Variants in NIPBL observed in about 807,000 individuals in gnomAD.
NIPBL encodes nipped-B-like protein.
NIPBL carries 19 observed loss-of-function variants against 321.8 expected under a neutral mutation model. The ratio of observed to expected loss-of-function variants is 0.06; its 90% CI spans 0.04 to 0.09. The LOEUF is 0.09. NIPBL is among the 10% of genes least tolerant of loss of function. The pLI, the probability that NIPBL is intolerant of heterozygous loss-of-function variation, is 1.00. For missense variants in NIPBL, 2,210 were observed against 3,327.0 expected (o/e 0.66, Z 8.26); for synonymous variants, 1,106 against 1,114.1 (o/e 0.99, Z 0.14).
At chr5:37,056,482 A>G (rs1754103787) in intron 42 of NIPBL, among the ~76,000 whole-genome samples, 1 of 152,206 alleles carries the variant, frequency 6.6e-6, no homozygotes, top group African/African-American at 2.4e-5. Flanking sequence ...TTTTAAAGCA[A>G]GCAACTAAAT....
At chr5:37,053,166 T>C (rs913616876) in intron 42 of NIPBL, among the ~76,000 whole-genome samples, 3 of 152,174 alleles carry the variant, frequency 2.0e-5, no homozygotes, top group African/African-American at 4.8e-5. Context: ...GGTGAACATC[T>C]TACTTACACA....
At chr5:37,055,100 G>A (rs765039003) in intron 42 of NIPBL, among the ~76,000 whole-genome samples, 1 of 152,166 alleles carries the variant, frequency 6.6e-6, no homozygotes, top group Non-Finnish European at 1.5e-5. Flanking sequence ...TGTAACCCCA[G>A]CATTTGGGGA....
chr5:37,053,774 A>G (rs1003172517), intron 42 of NIPBL, among the ~76,000 whole-genome samples: 1 of 152,254 alleles, frequency 6.6e-6, no homozygotes, highest in African/African-American at 2.4e-5. Context: ...TATTTCACAC[A>G]GTATTTATTC....
At chr5:36,962,778 C>T (rs1332831080) in intron 6 of NIPBL, among the ~76,000 whole-genome samples, 1 of 152,108 alleles carries the variant, frequency 6.6e-6, no homozygotes, top group Non-Finnish European at 1.5e-5. Context: ...AGTATAGCAA[C>T]TGTTTACATA....
intron 1 of NIPBL, chr5:36,886,288 G>C (rs1347732840): frequency 1.5e-6 from 1 of 674,570 alleles, no homozygotes; most frequent in African/African-American, 1.8e-5. Flanking sequence ...CCAGGCCCAG[G>C]AGTACGAGAC....
chr5:36,983,349 T>C (rs1000714992), intron 9 of NIPBL, among the ~76,000 whole-genome samples: 3 of 151,876 alleles, frequency 2.0e-5, no homozygotes, highest in African/African-American at 7.2e-5. Flanking sequence ...CGGTTATATT[T>C]GATTAGATTT....
intron 1 of NIPBL, among the ~76,000 whole-genome samples, chr5:36,915,876 A>G (rs1478881512): frequency 1.3e-5 from 2 of 152,176 alleles, no homozygotes; most frequent in African/African-American, 4.8e-5. Flanking sequence ...TTTGTATCAA[A>G]CTGCCTAAGA....
chr5:36,880,055 T>G (rs1446443636), intron 1 of NIPBL, among the ~76,000 whole-genome samples: 4 of 152,072 alleles, frequency 2.6e-5, no homozygotes. Context: ...GAGATTCTTT[T>G]TAGGGATGTA....
intron 43 of NIPBL, among the ~76,000 whole-genome samples, chr5:37,058,254 GCT>G (rs1754309596): frequency 6.6e-6 from 1 of 152,112 alleles, no homozygotes; most frequent in Non-Finnish European, 1.5e-5. Context: ...TTTCCCAGGA[GCT>G]TTAGCCCTCA....
intron 4 of NIPBL, among the ~76,000 whole-genome samples, chr5:36,959,718 A>G (rs186723805): frequency 1.2e-4 from 18 of 152,316 alleles, no homozygotes; most frequent in Non-Finnish European, 2.1e-4. Context: ...ATTTTTGAGT[A>G]TTTGGGTAGT....
intron 10 of NIPBL, among the ~76,000 whole-genome samples, chr5:36,989,218 T>C (rs1429264466): frequency 2.0e-5 from 3 of 152,186 alleles, no homozygotes; most frequent in Non-Finnish European, 4.4e-5. Flanking sequence ...ACTACCTAGT[T>C]TTTTTGTTAA....
chr5:36,947,134 A>G (rs983779189), intron 1 of NIPBL, among the ~76,000 whole-genome samples: 1 of 152,110 alleles, frequency 6.6e-6, no homozygotes, highest in East Asian at 1.9e-4. Context: ...AGTGCCAAAA[A>G]AAATTTCCCC....
At chr5:37,003,114 G>A (rs1747012387) in intron 15 of NIPBL, 147 bp from the exon 16 acceptor site, 2 of 553,030 alleles carry the variant, frequency 3.6e-6, no homozygotes, top group African/African-American at 1.9e-5. Context: ...TTGAGTAGAA[G>A]TTCTAAGTGG....
intron 16 of NIPBL, among the ~76,000 whole-genome samples, chr5:37,004,492 A>G (rs1281232902): frequency 6.6e-6 from 1 of 151,674 alleles, no homozygotes; most frequent in African/African-American, 2.4e-5. Flanking sequence ...GTAGTCTGGA[A>G]CTACTGGGCT....
intron 31 of NIPBL, 46 bp from the exon 32 acceptor site, chr5:37,027,313 C>T (rs1274459996): frequency 1.5e-6 from 2 of 1,370,354 alleles, no homozygotes; most frequent in African/African-American, 2.8e-5. Flanking sequence ...ATTTTATTCA[C>T]ATTTATAAAT....
chr5:36,917,475 AG>A (rs1441664705), intron 1 of NIPBL, among the ~76,000 whole-genome samples: 10 of 152,148 alleles, frequency 6.6e-5, no homozygotes, highest in Non-Finnish European at 1.5e-4. Flanking sequence ...TTTGCTGTGC[AG>A]AAGCTCTTTA....
intron 1 of NIPBL, chr5:36,885,627 C>T (rs1291581089): frequency 3.7e-6 from 2 of 537,900 alleles, no homozygotes; most frequent in South Asian, 1.4e-5. Context: ...CAGATCTTTG[C>T]AAATACTGTG....
At chr5:37,013,051 C>G (rs963845802) in intron 21 of NIPBL, among the ~76,000 whole-genome samples, 2 of 151,714 alleles carry the variant, frequency 1.3e-5, no homozygotes, top group African/African-American at 4.8e-5. Context: ...CTGACCCCCC[C>G]CCACCTCCCT....
rs771111681 is a variant in NIPBL at position 36,958,194 on chromosome 5, C to G, written c.321C>G (p.Phe107Leu). ...TCCTGGCAAGGAGTCCTAATGTTTT[C>G]AGGGAGAAAAGCATGCAGAACAGAT... ...QAVLARSPNV[F>L]REKSMQNRYV... The change falls in exon 4 of 47, where the codon TTC (phenylalanine) becomes TTG (leucine). Residue 107 changes from phenylalanine (F) to leucine (L), a missense_variant. This residue lies in a region of NIPBL where 464 missense variants were observed against 529.5 expected (regional missense o/e 0.88). Coordinates refer to ENST00000282516, the MANE Select transcript of NIPBL (RefSeq NM_133433.4). The G allele has an allele frequency of 3.1e-6, 5 of 1,613,816 alleles. No homozygotes were observed. Among genetic ancestry groups the G allele is most frequent in the East Asian group, 2.2e-5 (1 of 44,872 alleles).
Sources: allele counts gnomAD v4.1 joint callset (sites outside exome capture counted in the v4.1 genomes callset), GRCh38; gene constraint gnomAD v4.1.1; regional missense constraint gnomAD v4.1.1; transcripts MANE v1.5; gene names NCBI Gene and HGNC (gene_info 2026-07-23, HGNC 2026-07-21).